The following NARS2 variants were observed in gnomAD, a reference collection of about 807,000 sequenced individuals.
NARS2 encodes the protein asparaginyl-tRNA synthetase 2, mitochondrial, also known as asparaginyl-tRNA synthetase.
Under a neutral mutation model 62.9 loss-of-function variants are expected in NARS2, and 60 were observed. The observed-to-expected ratio is 0.95, with a 90% CI of 0.77 to 1.18. NARS2 has a LOEUF of 1.18. NARS2 is among the 50% of genes most tolerant of loss of function. The pLI is 0.00. For missense variants in NARS2, 619 were observed against 576.4 expected, an observed-to-expected ratio of 1.07 and a Z score of -0.76; for synonymous variants, 196 against 200.0, an observed-to-expected ratio of 0.98 and a Z score of 0.17.
intron 5 of NARS2, among the ~76,000 whole-genome samples, chr11:78,541,261 T>C (rs1190594732): frequency 1.3e-5 from 2 of 152,250 alleles, no homozygotes; most frequent in African/African-American, 4.8e-5. Context: ...ACAACTACTT[T>C]TTGGTAAGAT....
intron 11 of NARS2, among the ~76,000 whole-genome samples, chr11:78,448,319 CTT>C (rs72450922): frequency 6.4e-5 from 9 of 140,978 alleles, no homozygotes; most frequent in Non-Finnish European, 7.7e-5. Context: ...GTAGTAATCA[CTT>C]TTTTTTTTTT....
At chr11:78,466,249 G>A (rs915411331) in intron 10 of NARS2, among the ~76,000 whole-genome samples, 7 of 151,742 alleles carry the variant, frequency 4.6e-5, no homozygotes, top group Non-Finnish European at 1.0e-4. Flanking sequence ...TATGCTTACT[G>A]TGTCCCCATT....
chr11:78,458,719 G>A (rs536620952), intron 11 of NARS2, among the ~76,000 whole-genome samples: 1 of 152,274 alleles, frequency 6.6e-6, no homozygotes, highest in African/African-American at 2.4e-5. Context: ...CACGTCCCAG[G>A]CATTACACTA....
chr11:78,470,882 A>ATTTTTT (rs67863152), intron 9 of NARS2, among the ~76,000 whole-genome samples: 23 of 135,146 alleles, frequency 1.7e-4, no homozygotes, highest in African/African-American at 6.1e-4. Flanking sequence ...AGTATTTTGG[A>ATTTTTT]TTTTTTTTTT....
chr11:78,471,566 G>A (rs1401823949), intron 9 of NARS2, among the ~76,000 whole-genome samples: 1 of 150,946 alleles, frequency 6.6e-6, no homozygotes, highest in East Asian at 1.9e-4. Flanking sequence ...TAAGTTTTAG[G>A]GTACATGTGC....
intron 5 of NARS2, among the ~76,000 whole-genome samples, chr11:78,543,900 G>A (rs377575368): frequency 1.9e-4 from 28 of 150,934 alleles, no homozygotes; most frequent in African/African-American, 4.6e-4. Flanking sequence ...GCGTGGTGGC[G>A]CGCACCTGTA....
At chr11:78,461,550 T>G (rs1286995014) in intron 11 of NARS2, among the ~76,000 whole-genome samples, 1 of 124,634 alleles carries the variant, frequency 8.0e-6, no homozygotes, top group African/African-American at 3.2e-5. Context: ...GTGATAGGGG[T>G]GGAAACTACA....
At chr11:78,548,529 T>G (rs145252468) in intron 5 of NARS2, among the ~76,000 whole-genome samples, 17 of 152,348 alleles carry the variant, frequency 1.1e-4, no homozygotes, top group African/African-American at 3.8e-4. Context: ...AGAAGAGAAA[T>G]GCTAGTGCTT....
intron 5 of NARS2, among the ~76,000 whole-genome samples, chr11:78,541,841 G>A (rs1452459355): frequency 6.6e-6 from 1 of 152,164 alleles, no homozygotes; most frequent in Non-Finnish European, 1.5e-5. Context: ...CATTGCTGCA[G>A]AAATTGTTCT....
intron 9 of NARS2, among the ~76,000 whole-genome samples, chr11:78,471,124 G>A (rs1487598008): frequency 2.0e-5 from 3 of 152,056 alleles, no homozygotes; most frequent in East Asian, 3.9e-4. Context: ...ATAACAATAG[G>A]TAATTTCTAA....
At chr11:78,557,282 G>T (rs1251898294) in intron 5 of NARS2, among the ~76,000 whole-genome samples, 1 of 152,100 alleles carries the variant, frequency 6.6e-6, no homozygotes, top group Non-Finnish European at 1.5e-5. Context: ...ACCATTACGA[G>T]AAGCAAGAAT....
intron 11 of NARS2, among the ~76,000 whole-genome samples, chr11:78,459,226 T>C (rs1858292766): frequency 1.3e-5 from 2 of 150,136 alleles, no homozygotes; most frequent in African/African-American, 2.5e-5. Flanking sequence ...TCTGATGATC[T>C]GATGGTGGTT....
chr11:78,551,553 T>A (rs913432767), intron 5 of NARS2, among the ~76,000 whole-genome samples: 4 of 152,194 alleles, frequency 2.6e-5, no homozygotes, highest in Non-Finnish European at 5.9e-5. Flanking sequence ...AATAGTTTTT[T>A]AAAAACCCTG....
chr11:78,442,767 T>C (rs1450965054), intron 12 of NARS2, among the ~76,000 whole-genome samples: 3 of 152,100 alleles, frequency 2.0e-5, no homozygotes, highest in Non-Finnish European at 2.9e-5. Context: ...TTACTTCCCA[T>C]CTCCAAAACA....
intron 5 of NARS2, among the ~76,000 whole-genome samples, chr11:78,544,615 A>G (rs963773050): frequency 2.0e-5 from 3 of 152,074 alleles, no homozygotes; most frequent in Non-Finnish European, 4.4e-5. Context: ...TAACACGGTG[A>G]AACCCCGTCT....
chr11:78,549,297 A>T (rs115658818), intron 5 of NARS2, among the ~76,000 whole-genome samples: 1 of 152,184 alleles, frequency 6.6e-6, no homozygotes, highest in African/African-American at 2.4e-5. Flanking sequence ...CTAAATCAGG[A>T]GGTCTTGTAG....
intron 11 of NARS2, among the ~76,000 whole-genome samples, chr11:78,450,716 C>A (rs1235941921): frequency 6.7e-6 from 1 of 148,562 alleles, no homozygotes; most frequent in Non-Finnish European, 1.5e-5. Flanking sequence ...ACTGTGTCGC[C>A]CAGGCTGGAA....
chr11:78,571,055 A>G (rs1856904762), intron 2 of NARS2, among the ~76,000 whole-genome samples: 1 of 152,184 alleles, frequency 6.6e-6, no homozygotes, highest in African/African-American at 2.4e-5. Context: ...TGCTATTAGG[A>G]AAGAGCAGAA....
At chr11:78,561,339 C>T (rs571075791) in intron 4 of NARS2, among the ~76,000 whole-genome samples, 1 of 152,200 alleles carries the variant, frequency 6.6e-6, no homozygotes, top group African/African-American at 2.4e-5. Context: ...AAGTAAATAG[C>T]AAGGAGTGGT....
Sources: allele counts gnomAD v4.1 joint callset (sites outside exome capture counted in the v4.1 genomes callset), GRCh38; gene constraint gnomAD v4.1.1; transcripts MANE v1.5; gene names NCBI Gene and HGNC (gene_info 2026-07-23, HGNC 2026-07-21).